Variants in CENPM observed in about 807,000 individuals in gnomAD.
CENPM encodes the protein centromere protein M.
Under a neutral mutation model 19.6 loss-of-function variants are expected in CENPM, and 14 were observed. The ratio of observed to expected loss-of-function variants is 0.71; its 90% CI spans 0.47 to 1.11. The LOEUF is 1.11. CENPM is among the 50% of genes most tolerant of loss of function. The pLI is 0.00. For missense variants in CENPM, 239 were observed against 228.4 expected (o/e 1.05, Z -0.30); for synonymous variants, 114 against 101.5 (o/e 1.12, Z -0.74).
chr22:41,944,575 C>T (rs1184136431), intron 4 of CENPM: 1 of 782,946 alleles, frequency 1.3e-6, no homozygotes, highest in Non-Finnish European at 1.5e-6. Flanking sequence ...CACCTACCTC[C>T]AATAGGAATA....
At chr22:41,933,579 C>A in the CENPM span, among the ~76,000 whole-genome samples, 1 of 152,172 alleles carries the variant, frequency 6.6e-6, no homozygotes. Flanking sequence ...CCCCAGGGAG[C>A]TGCCCTCAGC....
downstream of CENPM, among the ~76,000 whole-genome samples, chr22:41,936,222 C>T (rs1229632324): frequency 6.6e-6 from 1 of 152,192 alleles, no homozygotes; most frequent in African/African-American, 2.4e-5. Flanking sequence ...TGGAGAGAAG[C>T]AGAGTGGGGC....
At chr22:41,939,460 G>A (rs1435730033) in intron 5 of CENPM, among the ~76,000 whole-genome samples, 1 of 152,186 alleles carries the variant, frequency 6.6e-6, no homozygotes, top group African/African-American at 2.4e-5. Flanking sequence ...GGCTTAACAA[G>A]GCTGGCTAGG....
chr22:41,937,816 C>T (rs560588813), downstream of CENPM, among the ~76,000 whole-genome samples: 53 of 152,246 alleles, frequency 3.5e-4, no homozygotes, highest in Non-Finnish European at 6.8e-4. Flanking sequence ...ACTGGCATAA[C>T]GAGTCCAAGC....
At chr22:41,944,190 T>C in intron 4 of CENPM, 1 of 967,522 alleles carries the variant, frequency 1.0e-6, no homozygotes, top group Non-Finnish European at 1.2e-6. Context: ...AGGCCTGTAA[T>C]CCCAGCACTA....
the CENPM span, among the ~76,000 whole-genome samples, chr22:41,930,314 C>T: frequency 6.6e-6 from 1 of 151,824 alleles, no homozygotes. Flanking sequence ...ACTGCAGCCT[C>T]TGCCTCCTGG....
At chr22:41,930,713 T>A in the CENPM span, among the ~76,000 whole-genome samples, 1 of 151,450 alleles carries the variant, frequency 6.6e-6, no homozygotes, top group African/African-American at 2.4e-5. Context: ...AGAGGTGGGG[T>A]TTCGCCATGT....
intron 5 of CENPM, chr22:41,940,262 G>C (rs896658173): frequency 7.6e-5 from 53 of 693,550 alleles, no homozygotes; most frequent in Middle Eastern, 2.3e-4. Flanking sequence ...AGTCCTGTTT[G>C]CAGGGGCGTT....
At chr22:41,934,265 G>A (rs906892553), downstream of CENPM, among the ~76,000 whole-genome samples, 5 of 152,276 alleles carry the variant, frequency 3.3e-5, no homozygotes, top group South Asian at 2.1e-4. Flanking sequence ...CAGGACACTC[G>A]GGCCTGGACC....
In CENPM at chr22:41,940,062, C is replaced by G. The variant is rs1602386212; in HGVS notation, c.403-866G>C. The G allele has an allele frequency of 3.4e-5, 24 of 708,882 alleles. No homozygotes were observed. The South Asian group carries it at 3.7e-4, about 11-fold the overall frequency. 43.9% of individuals were successfully genotyped at this position (708,882 alleles called of 1,614,324 possible). On this transcript the variant is annotated intron_variant, in intron 5 of 5. Transcript: ENST00000215980. ...TCCCCACCAGGCTCCACTGATCCAG[C>G]CCCACCATTCCTGATTTCTCCACCC...
chr22:41,944,430 C>T (rs111302247), intron 4 of CENPM, among the ~76,000 whole-genome samples: 16,545 of 131,646 alleles, frequency 0.13, 1,417 homozygotes, highest in Admixed American at 0.3. Context: ...AGCGAGACTC[C>T]GTCTCAAAAA....
At chr22:41,934,002 G>C (rs545147708), downstream of CENPM, among the ~76,000 whole-genome samples, 1 of 152,348 alleles carries the variant, frequency 6.6e-6, no homozygotes, top group African/African-American at 2.4e-5. Flanking sequence ...ACCTGAAAAG[G>C]GGGGCAGGCA....
chr22:41,943,907 G>C (rs1307856756), intron 4 of CENPM, among the ~76,000 whole-genome samples: 1 of 152,160 alleles, frequency 6.6e-6, no homozygotes, highest in African/African-American at 2.4e-5. Context: ...CTACCCCACT[G>C]AGTCACTCTA....
At chr22:41,946,287 G>T (rs957057032) in intron 2 of CENPM, 130 bp downstream of exon 2, 1 of 809,244 alleles carries the variant, frequency 1.2e-6, no homozygotes, top group Admixed American at 2.4e-5. Context: ...GGACTAGCCA[G>T]CTACGCTGCA....
intron 5 of CENPM, chr22:41,940,132 G>A (rs776116010): frequency 7.8e-6 from 6 of 769,060 alleles, no homozygotes; most frequent in South Asian, 6.9e-5. Context: ...AGGCCTGCCT[G>A]CCAGACCTTG....
downstream of CENPM, among the ~76,000 whole-genome samples, chr22:41,938,527 G>A (rs1457366001): frequency 6.6e-6 from 1 of 151,942 alleles, no homozygotes; most frequent in Non-Finnish European, 1.5e-5. Context: ...CACCACATCT[G>A]GCTAATTTTT....
downstream of CENPM, among the ~76,000 whole-genome samples, chr22:41,934,876 C>T (rs1361544769): frequency 2.6e-5 from 4 of 152,218 alleles, no homozygotes; most frequent in East Asian, 1.9e-4. Context: ...GCCCCAATTC[C>T]GGCACACACT....
At chr22:41,932,536 G>C in the CENPM span, among the ~76,000 whole-genome samples, 1 of 152,198 alleles carries the variant, frequency 6.6e-6, no homozygotes, top group Admixed American at 6.5e-5. The surrounding 1 kb of genome is among the most constrained non-coding windows in gnomAD (Gnocchi z 4.3). Flanking sequence ...CATCCAGCCC[G>C]CCACTCCATG....
chr22:41,927,266 G>A, the CENPM span, among the ~76,000 whole-genome samples: 1 of 152,064 alleles, frequency 6.6e-6, no homozygotes, highest in African/African-American at 2.4e-5. Flanking sequence ...CCCTCAACCA[G>A]CACCGCCTGG....
Sources: gnomAD v4.1 joint callset for allele counts (sites outside exome capture counted in the v4.1 genomes callset) on GRCh38, gnomAD v4.1.1 for gene constraint, Gnocchi (gnomAD v3.1) non-coding constraint, MANE v1.5 for transcripts, NCBI Gene and HGNC (gene_info 2026-07-23, HGNC 2026-07-21) for gene names.